Variants in RGS6 observed in about 807,000 individuals in gnomAD.
RGS6 encodes the protein regulator of G-protein signaling 6.
A neutral mutation model predicts 78.5 loss-of-function variants in RGS6; 30 were observed. The observed-to-expected ratio is 0.38, with a 90% CI of 0.29 to 0.52. The LOEUF (loss-of-function observed/expected upper bound fraction) is 0.52, where lower values mean the gene tolerates loss of function less well. Among genes scored for constraint, RGS6 ranks in the 20% least tolerant of loss-of-function variants. The pLI is 0.85. For missense variants in RGS6, 495 were observed against 609.7 expected, an observed-to-expected ratio of 0.81 and a Z score of 1.98; for synonymous variants, 206 against 206.0, an observed-to-expected ratio of 1.00 and a Z score of 0.00.
chr14:72,572,731 TGTG>T, the RGS6 span, among the ~76,000 whole-genome samples: 2 of 152,210 alleles, frequency 1.3e-5, no homozygotes, highest in African/African-American at 4.8e-5. Context: ...ATTGTAGTGA[TGTG>T]GAGATTGTGC....
At chr14:72,081,252 C>G (rs1328634318) in intron 2 of RGS6, among the ~76,000 whole-genome samples, 1 of 151,852 alleles carries the variant, frequency 6.6e-6, no homozygotes, top group Non-Finnish European at 1.5e-5. Flanking sequence ...CCCCTAAGTA[C>G]TTTATTTATT....
chr14:72,265,022 C>T (rs1159287434), intron 2 of RGS6, among the ~76,000 whole-genome samples: 2 of 152,022 alleles, frequency 1.3e-5, no homozygotes, highest in African/African-American at 4.8e-5. Context: ...TCTGGTAAAT[C>T]CAAATGATCA....
At chr14:72,454,062 G>A (rs977829026) in intron 3 of RGS6, among the ~76,000 whole-genome samples, 1 of 152,226 alleles carries the variant, frequency 6.6e-6, no homozygotes, top group African/African-American at 2.4e-5. Flanking sequence ...ATACATAGAC[G>A]TTTCTGCCAC....
intron 12 of RGS6, among the ~76,000 whole-genome samples, chr14:72,478,532 G>A (rs185112459): frequency 1.1e-4 from 17 of 152,258 alleles, no homozygotes; most frequent in Non-Finnish European, 2.1e-4. Context: ...GAAATGTTCC[G>A]TTGCTAAGGC....
intron 17 of RGS6, among the ~76,000 whole-genome samples, chr14:72,554,941 C>T (rs2153539417): frequency 6.6e-6 from 1 of 152,316 alleles, no homozygotes; most frequent in Middle Eastern, 3.4e-3. Context: ...TGTCCCTGCA[C>T]AGCTGGGGGG....
chr14:72,620,087 C>T, the RGS6 span: 1 of 1,219,214 alleles, frequency 8.2e-7, no homozygotes, highest in Non-Finnish European at 1.1e-6. Flanking sequence ...GTCGGTCTCA[C>T]TGGATCCCCT....
chr14:72,616,317 A>C, the RGS6 span, among the ~76,000 whole-genome samples: 16 of 152,176 alleles, frequency 1.1e-4, no homozygotes, highest in African/African-American at 3.9e-4. Flanking sequence ...TCTCAACTGC[A>C]TTAATCTTAT....
At chr14:72,628,565 A>G in the RGS6 span, among the ~76,000 whole-genome samples, 2 of 152,278 alleles carry the variant, frequency 1.3e-5, no homozygotes. Context: ...TACCTTTACA[A>G]AAAGAGAAAC....
At chr14:72,172,591 C>T (rs1353655097) in intron 2 of RGS6, among the ~76,000 whole-genome samples, 1 of 152,082 alleles carries the variant, frequency 6.6e-6, no homozygotes, top group Non-Finnish European at 1.5e-5. Flanking sequence ...TTTGCAACTG[C>T]CACTAATTGT....
chr14:72,580,920 T>C, the RGS6 span, among the ~76,000 whole-genome samples: 1 of 152,184 alleles, frequency 6.6e-6, no homozygotes, highest in Non-Finnish European at 1.5e-5. Context: ...AGCCACCTTC[T>C]CATATTGAGT....
intron 2 of RGS6, among the ~76,000 whole-genome samples, chr14:72,330,998 A>G (rs1567774470): frequency 6.6e-6 from 1 of 152,202 alleles, no homozygotes; most frequent in Non-Finnish European, 1.5e-5. Flanking sequence ...CAACATAGAC[A>G]GAGCATCTGG....
At chr14:72,105,767 T>C (rs921237772) in intron 2 of RGS6, among the ~76,000 whole-genome samples, 6 of 152,232 alleles carry the variant, frequency 3.9e-5, no homozygotes, top group African/African-American at 1.4e-4. Context: ...GTGACCAGAA[T>C]TTATCCTTTC....
chr14:72,337,333 G>A (rs2076218554), intron 2 of RGS6, among the ~76,000 whole-genome samples: 1 of 151,058 alleles, frequency 6.6e-6, no homozygotes, highest in Non-Finnish European at 1.5e-5. Context: ...CATTATTATG[G>A]TCCGTGTTTC....
At chr14:72,413,764 G>C (rs551947348) in intron 3 of RGS6, among the ~76,000 whole-genome samples, 64 of 152,218 alleles carry the variant, frequency 4.2e-4, no homozygotes, top group African/African-American at 1.5e-3. Flanking sequence ...GGCAGGCCTG[G>C]TGGTGACAAA....
intron 2 of RGS6, among the ~76,000 whole-genome samples, chr14:72,328,584 C>G (rs986219569): frequency 6.6e-6 from 1 of 152,062 alleles, no homozygotes; most frequent in Admixed American, 6.5e-5. Flanking sequence ...AATTTCCTTT[C>G]CCTCTCTAAG....
intron 3 of RGS6, among the ~76,000 whole-genome samples, chr14:72,382,318 C>T (rs1209132822): frequency 2.0e-5 from 3 of 152,096 alleles, no homozygotes; most frequent in Admixed American, 2.0e-4. Context: ...AGAAAATATA[C>T]ATGACCAATA....
At chr14:72,195,612 G>A (rs1387896101) in intron 2 of RGS6, among the ~76,000 whole-genome samples, 1 of 152,212 alleles carries the variant, frequency 6.6e-6, no homozygotes, top group East Asian at 1.9e-4. Flanking sequence ...GAGCTGAAGA[G>A]GTAGAAAGCA....
rs982512651 is a variant in RGS6, at chr14:72,562,990, G to T, written c.*523G>T. On this transcript the variant is annotated 3_prime_UTR_variant, in exon 18 of 18. Transcript: ENST00000553525. ...ATCCCTCACGTCTCTGTGGCCACCCGGGTGTCACTGCCAGCACCAGGCACT... is the reference window on the plus strand; with the variant it reads ...ATCCCTCACGTCTCTGTGGCCACCCTGGTGTCACTGCCAGCACCAGGCACT... 15 of 583,926 alleles carry T rather than the reference G, an allele frequency of 2.6e-5. No homozygotes were observed. Among genetic ancestry groups the T allele is most frequent in the African/African-American group, 2.4e-4 (13 of 53,724 alleles). 36.2% of individuals were successfully genotyped at this position (583,926 alleles called of 1,614,324 possible). A position where few individuals can be genotyped will look rare whatever the true frequency, so the allele number is the denominator to read the frequency against.
At chr14:72,024,833 C>T (rs539728777) in intron 2 of RGS6, among the ~76,000 whole-genome samples, 18 of 152,216 alleles carry the variant, frequency 1.2e-4, no homozygotes, top group Admixed American at 3.3e-4. Flanking sequence ...TCTGCATTAA[C>T]GAGATCCAGG....
Sources: allele counts gnomAD v4.1 joint callset (sites outside exome capture counted in the v4.1 genomes callset), GRCh38; gene constraint gnomAD v4.1.1; transcripts MANE v1.5; gene names NCBI Gene and HGNC (gene_info 2026-07-23, HGNC 2026-07-21).